The following HEXB variants were observed in gnomAD, a reference collection of about 807,000 sequenced individuals.
HEXB encodes the protein beta-hexosaminidase subunit beta.
HEXB carries 51 observed loss-of-function variants against 71.2 expected under a neutral mutation model. The ratio of observed to expected loss-of-function variants is 0.72; its 90% CI spans 0.57 to 0.90. HEXB has a LOEUF of 0.90. Among genes scored for constraint, HEXB ranks in the 40% least tolerant of loss-of-function variants. The pLI, the probability that HEXB is intolerant of heterozygous loss-of-function variation, is 0.00. For missense variants in HEXB, 617 were observed against 677.0 expected (o/e 0.91, Z 0.98); for synonymous variants, 266 against 249.3 (o/e 1.07, Z -0.63).
chr5:74,711,935 A>G (rs1196227961), intron 6 of HEXB, among the ~76,000 whole-genome samples: 1 of 149,840 alleles, frequency 6.7e-6, no homozygotes, highest in East Asian at 2.0e-4. Context: ...TACTGGGTAT[A>G]TACCCAAAGG....
Position 74,697,066 on chromosome 5 carries a change from C to T in HEXB, c.629C>T (p.Ser210Phe). ...CACAGAGGAATTTTGATTGATACAT[C>T]CAGACATTATCTGCCAGTTAAGATT... is the stretch of plus-strand genomic sequence containing the variant. ...FSHRGILIDTSRHYLPVKIIL... is the reference protein window; with the variant it reads ...FSHRGILIDTFRHYLPVKIIL... The change falls in exon 5 of 14, where the codon TCC becomes TTC. Residue 210 changes from serine to phenylalanine, a missense_variant. Ser to Phe is a radical substitution (Grantham distance 155, BLOSUM62 -2). Coordinates refer to ENST00000261416, the MANE Select transcript of HEXB (RefSeq NM_000521.4). The T allele has an allele frequency of 6.4e-7, 1 of 1,560,688 alleles. No homozygotes were observed. Among genetic ancestry groups the T allele is most frequent in the South Asian group, 1.1e-5 (1 of 90,200 alleles).
chr5:74,655,312 C>CTT lies in HEXB; in HGVS notation c.-377+14773_-377+14774dup, dbSNP rs386404134. Among the ~76,000 whole-genome samples the CTT allele has an allele frequency of 1.4e-3, 176 of 125,100 alleles. 3 individuals are homozygous for CTT. Among genetic ancestry groups the CTT allele is most frequent in the Middle Eastern group, 4.0e-3 (1 of 248 alleles). The allele number at this position is 125,100 out of a possible 152,430, so 82.1% of individuals were successfully genotyped here. On this transcript the variant is annotated intron_variant, in intron 1 of 13. Coordinates refer to the HEXB transcript ENST00000511181. ...AGATAATAACCCTTCAAGCATTAAA[C>CTT]TTTTTTTTTTTTTTTTTTTTGAGAC...
At chr5:74,685,610 G>A (rs1266565635) in intron 1 of HEXB, 51 bp downstream of exon 1, 2 of 1,484,022 alleles carry the variant, frequency 1.3e-6, no homozygotes, top group East Asian at 2.3e-5. Context: ...GGGAGAGGCG[G>A]ACCACCCCGG....
chr5:74,674,302 T>C (rs1323053663), intron 1 of HEXB, among the ~76,000 whole-genome samples: 1 of 152,098 alleles, frequency 6.6e-6, no homozygotes, highest in East Asian at 1.9e-4. Flanking sequence ...GGTCATCAAT[T>C]AAGAAGAAAG....
exon 1 of HEXB, chr5:74,640,092 G>C (rs1435638919): frequency 6.6e-6 from 1 of 152,272 alleles, no homozygotes; most frequent in Non-Finnish European, 1.5e-5. Context: ...GGGGAGGCCG[G>C]TCGACCTCTC....
intron 1 of HEXB, among the ~76,000 whole-genome samples, chr5:74,666,822 A>G (rs1281742757): frequency 6.6e-6 from 1 of 152,134 alleles, no homozygotes; most frequent in Non-Finnish European, 1.5e-5. Context: ...ACACACACAC[A>G]CATATAGAGA....
chr5:74,713,770 T>G, intron 7 of HEXB, 135 bp downstream of exon 7: 1 of 726,764 alleles, frequency 1.4e-6, no homozygotes, highest in Admixed American at 2.0e-5. Flanking sequence ...ATCAAGCGAT[T>G]CTCCTGCCTC....
intron 5 of HEXB, among the ~76,000 whole-genome samples, chr5:74,703,387 T>C (rs762640107): frequency 3.9e-5 from 6 of 152,248 alleles, no homozygotes; most frequent in Non-Finnish European, 1.5e-5. Flanking sequence ...GTTTCAGGCC[T>C]GTCTTCCCTG....
In HEXB at chr5:74,685,421, C is replaced by T. The variant is rs747152494; in HGVS notation, c.161C>T (p.Pro54Leu). Residue 54 changes from proline (P) to leucine (L), a missense_variant, in exon 1 of 14, where the codon CCG becomes CTG. Coordinates refer to ENST00000261416, the MANE Select transcript of HEXB (RefSeq NM_000521.4). ...CCGAGCGTCTCGGCCAAGCCGGGGC[C>T]GGCGCTGTGGCCCCTGCCGCTCTTG... The part of the protein sequence containing the change: ...RAPSVSAKPG[P>L]ALWPLPLLVK... 3.1e-6 allele frequency: 5 copies of T among 1,600,564 alleles called. No homozygotes were observed. The Admixed American group carries it at 5.1e-5, about 16-fold the overall frequency.
At chr5:74,653,184 G>A (rs10058135) in intron 1 of HEXB, among the ~76,000 whole-genome samples, 135,670 of 152,164 alleles carry the variant, frequency 0.89, 60,686 homozygotes, top group East Asian at 1. Context: ...ACTGAAACTG[G>A]GTACTCTATT....
chr5:74,696,785 C>A (rs903097610), intron 4 of HEXB, 46 bp downstream of exon 4: 1 of 963,760 alleles, frequency 1.0e-6, no homozygotes, highest in Non-Finnish European at 1.7e-6. Flanking sequence ...AGACAAATTG[C>A]TAATAGAAAA....
At chr5:74,664,445 A>AC (rs1256914286) in intron 1 of HEXB, among the ~76,000 whole-genome samples, 19 of 150,570 alleles carry the variant, frequency 1.3e-4, no homozygotes, top group Admixed American at 8.6e-4. Context: ...AAAAAAAAAA[A>AC]AAAAAAAACA....
chr5:74,682,818 G>C (rs764795658), upstream of HEXB, among the ~76,000 whole-genome samples: 1 of 152,194 alleles, frequency 6.6e-6, no homozygotes, highest in Non-Finnish European at 1.5e-5. Context: ...GGGGTGGAAA[G>C]ATGTGATACC....
At chr5:74,653,334 G>A (rs1748157807) in intron 1 of HEXB, among the ~76,000 whole-genome samples, 1 of 152,316 alleles carries the variant, frequency 6.6e-6, no homozygotes, top group African/African-American at 2.4e-5. Context: ...ATCATTCAGT[G>A]AATATTAAAA....
intron 1 of HEXB, among the ~76,000 whole-genome samples, chr5:74,645,830 G>T (rs934953288): frequency 2.6e-5 from 4 of 152,124 alleles, no homozygotes; most frequent in Non-Finnish European, 5.9e-5. Flanking sequence ...TATTTTCTCA[G>T]AACAATGTAT....
chr5:74,669,054 C>T (rs572414184), intron 1 of HEXB, among the ~76,000 whole-genome samples: 160 of 152,210 alleles, frequency 1.1e-3, no homozygotes, highest in African/African-American at 3.6e-3. Context: ...CTCTGCCTCC[C>T]GGGTTCAAGC....
rs1244162576 is a variant in HEXB, at chr5:74,685,454, T to A, written c.194T>A (p.Met65Lys). 6.2e-7 allele frequency: 1 copy of A among 1,611,768 alleles called. No homozygotes were observed. The highest frequency in any genetic ancestry group is 8.5e-7 in the Non-Finnish European group (1 of 1,179,306). The change falls in exon 1 of 14, where the codon ATG (methionine) becomes AAG (lysine). Residue 65 changes from methionine to lysine, a missense_variant. Transcript: ENST00000261416. ...TGGCCCCTGCCGCTCTTGGTGAAGA[T>A]GACCCCGAACCTGCTGCATCTCGCC... The part of the protein sequence containing the change: ...ALWPLPLLVK[M>K]TPNLLHLAPE...
chr5:74,706,291 A>AAT (rs1238670146), intron 6 of HEXB: 1 of 152,364 alleles, frequency 6.6e-6, no homozygotes, highest in Non-Finnish European at 1.5e-5. Flanking sequence ...ACAGCTAATC[A>AAT]ATATTCACAT....
chr5:74,677,647 C>T (rs1402736070), intron 1 of HEXB, among the ~76,000 whole-genome samples: 1 of 151,936 alleles, frequency 6.6e-6, no homozygotes. Context: ...GTCACTGCTT[C>T]TTTTTGGAAT....
Sources: allele counts gnomAD v4.1 joint callset (sites outside exome capture counted in the v4.1 genomes callset), GRCh38; gene constraint gnomAD v4.1.1; transcripts MANE v1.5; gene names NCBI Gene and HGNC (gene_info 2026-07-23, HGNC 2026-07-21).